TULP4: variants seen among roughly 807,000 people sequenced by gnomAD.
TULP4 encodes TUB like protein 4.
TULP4 carries 16 observed loss-of-function variants against 129.0 expected under a neutral mutation model. The observed-to-expected ratio is 0.12, with a 90% confidence interval of 0.08 to 0.19. The LOEUF (loss-of-function observed/expected upper bound fraction) is 0.19, where lower values mean the gene tolerates loss of function less well. TULP4 is among the 10% of genes least tolerant of loss of function. The pLI, the probability that TULP4 is intolerant of heterozygous loss-of-function variation, is 1.00. For missense variants in TULP4, 1,842 were observed against 2,059.1 expected, an observed-to-expected ratio of 0.89 and a Z score of 2.04; for synonymous variants, 998 against 854.0, an observed-to-expected ratio of 1.17 and a Z score of -2.94.
At chr6:158,336,294 G>A (rs1447043943) in intron 1 of TULP4, among the ~76,000 whole-genome samples, 1 of 152,156 alleles carries the variant, frequency 6.6e-6, no homozygotes, top group African/African-American at 2.4e-5. Context: ...CCTTCAAATT[G>A]TAAAATGTCT....
At chr6:158,432,223 A>G (rs1778646864) in intron 3 of TULP4, among the ~76,000 whole-genome samples, 1 of 151,906 alleles carries the variant, frequency 6.6e-6, no homozygotes, top group African/African-American at 2.4e-5. Flanking sequence ...ACTGAGACAT[A>G]GAGCAGGAAT....
chr6:158,314,099 A>G lies in TULP4; in HGVS notation c.83A>G (p.Lys28Arg), dbSNP rs1276667147. ...CTGTCCTGGAAGGGGCGTGTCCCCAAGAGTGAGAAGGAGAAGCCTGTGTGC... is the reference window on the plus strand; with the variant it reads ...CTGTCCTGGAAGGGGCGTGTCCCCAGGAGTGAGAAGGAGAAGCCTGTGTGC... ...LCLSWKGRVP[K>R]SEKEKPVCRR... Residue 28 changes from lysine to arginine, a missense_variant, in exon 1 of 14, where the codon AAG (lysine) becomes AGG (arginine). Around this residue, in one of 5 missense-constraint regions of TULP4, gnomAD observed 151 missense variants for 268.7 expected, o/e 0.56. Coordinates refer to ENST00000367097, the MANE Select transcript of TULP4 (RefSeq NM_020245.5). The G allele has an allele frequency of 8.1e-6, 13 of 1,614,090 alleles. No homozygotes were observed. The highest frequency in any genetic ancestry group is 8.0e-5 in the African/African-American group (6 of 74,930).
chr6:158,333,605 C>G (rs1157222848), intron 1 of TULP4, among the ~76,000 whole-genome samples: 1 of 145,850 alleles, frequency 6.9e-6, no homozygotes, highest in Non-Finnish European at 1.5e-5. Flanking sequence ...TACAGTTGGC[C>G]TCTGTGTGAG....
chr6:158,366,171 G>C (rs999748056), intron 1 of TULP4, among the ~76,000 whole-genome samples: 5 of 152,048 alleles, frequency 3.3e-5, no homozygotes, highest in African/African-American at 7.2e-5. Context: ...CCAAAGTGCT[G>C]GGATTACAGG....
intron 1 of TULP4, among the ~76,000 whole-genome samples, chr6:158,240,925 G>T (rs1234312429): frequency 6.7e-6 from 1 of 149,270 alleles, no homozygotes; most frequent in African/African-American, 2.4e-5. Context: ...TGGCTGCCGG[G>T]CGGAGAGGCT....
chr6:158,273,857 A>G (rs1314701600), intron 1 of TULP4, among the ~76,000 whole-genome samples: 2 of 152,234 alleles, frequency 1.3e-5, no homozygotes, highest in East Asian at 1.9e-4. Context: ...AACTCATTGA[A>G]TTCTTATCAT....
chr6:158,505,209 T>C (rs922629472), intron 13 of TULP4, among the ~76,000 whole-genome samples: 3 of 152,332 alleles, frequency 2.0e-5, no homozygotes, highest in Non-Finnish European at 2.9e-5. Context: ...TCTGTCCTGC[T>C]GCCAACGTCC....
Position 158,502,619 on chromosome 6 carries a change from A to G in TULP4, c.2956A>G (p.Thr986Ala), listed in dbSNP as rs148920633. ...QRSDNSLIHA[T>A]LRRNNREATL... ...GTCCGACAATAGCCTCATCCACGCT[A>G]CCCTGCGGAGGAACAACCGTGAGGC... The change falls in exon 13 of 14, where the codon ACC becomes GCC. Residue 986 changes from threonine (T) to alanine (A), a missense_variant. Physicochemically the swap from Thr to Ala is moderately conservative, Grantham distance 58. Transcript: ENST00000367097. 2 of 1,596,924 alleles carry G rather than the reference A, an allele frequency of 1.3e-6. No homozygotes were observed. Among genetic ancestry groups the G allele is most frequent in the Non-Finnish European group, 1.7e-6 (2 of 1,177,906 alleles).
chr6:158,327,142 A>G (rs1385357497), intron 1 of TULP4, among the ~76,000 whole-genome samples: 1 of 152,160 alleles, frequency 6.6e-6, no homozygotes, highest in African/African-American at 2.4e-5. Flanking sequence ...AGTGGTTACT[A>G]TAGCCATTTA....
intron 1 of TULP4, among the ~76,000 whole-genome samples, chr6:158,232,529 C>T (rs1222904104): frequency 6.6e-6 from 1 of 151,414 alleles, no homozygotes; most frequent in African/African-American, 2.4e-5. Flanking sequence ...CGGCCGTGGC[C>T]GCTGCTTGGC....
intron 1 of TULP4, among the ~76,000 whole-genome samples, chr6:158,327,622 G>A (rs1779771527): frequency 6.6e-6 from 1 of 151,874 alleles, no homozygotes; most frequent in African/African-American, 2.4e-5. Context: ...TATTTTATGG[G>A]CACTATATTT....
intron 1 of TULP4, among the ~76,000 whole-genome samples, chr6:158,353,701 T>C (rs1201633832): frequency 1.3e-5 from 2 of 152,246 alleles, no homozygotes; most frequent in East Asian, 1.9e-4. Flanking sequence ...AAATACTGCA[T>C]TGCTTGTTTG....
intron 1 of TULP4, among the ~76,000 whole-genome samples, chr6:158,370,053 C>G (rs1415755539): frequency 6.6e-6 from 1 of 151,834 alleles, no homozygotes; most frequent in African/African-American, 2.4e-5. Flanking sequence ...AATACAAAAA[C>G]TAGCTGGGCA....
intron 6 of TULP4, among the ~76,000 whole-genome samples, chr6:158,467,759 C>G (rs755357896): frequency 3.3e-5 from 5 of 152,344 alleles, no homozygotes; most frequent in Non-Finnish European, 4.4e-5. Context: ...ACTCCATCCT[C>G]CTCTGACCCT....
intron 6 of TULP4, among the ~76,000 whole-genome samples, chr6:158,475,613 C>T (rs945447530): frequency 1.3e-5 from 2 of 152,132 alleles, no homozygotes; most frequent in Admixed American, 6.5e-5. Flanking sequence ...GCCTAGTAGG[C>T]GGAGGTTCTT....
chr6:158,411,055 G>T (rs574365739), intron 1 of TULP4, among the ~76,000 whole-genome samples: 1 of 151,456 alleles, frequency 6.6e-6, no homozygotes, highest in East Asian at 1.9e-4. Flanking sequence ...GGGAGCTGCG[G>T]TGGCTCCAGC....
intron 5 of TULP4, among the ~76,000 whole-genome samples, chr6:158,452,704 CTG>C (rs1441539542): frequency 6.6e-6 from 1 of 152,238 alleles, no homozygotes; most frequent in Non-Finnish European, 1.5e-5. Flanking sequence ...CTGATCATCA[CTG>C]TGCGATAAAG....
intron 1 of TULP4, among the ~76,000 whole-genome samples, chr6:158,348,799 G>GGCT (rs1562529502): frequency 2.0e-5 from 1 of 49,730 alleles, no homozygotes; most frequent in African/African-American, 7.0e-5. Flanking sequence ...TATACGGGGC[G>GGCT]GCCGGGCAGA....
rs116481540 is a variant in TULP4, at chr6:158,435,444, G to A, written c.543+5547G>A. On this transcript the variant is annotated intron_variant, in intron 3 of 13. Transcript: ENST00000367097. ...GGACCCTGTCAGCACATCCAGGCAC[G>A]TCCTTTCTGCAGTGCCTCTCCCAGC... is the stretch of plus-strand genomic sequence containing the variant. 2.5e-3 allele frequency among the ~76,000 whole-genome samples: 381 copies of A among 152,212 alleles called. 1 individual carries two copies. The highest frequency in any genetic ancestry group is 8.4e-3 in the African/African-American group (351 of 41,542).
Sources: gnomAD v4.1 joint callset for allele counts (sites outside exome capture counted in the v4.1 genomes callset) on GRCh38, gnomAD v4.1.1 for gene constraint, gnomAD v4.1.1 regional missense constraint, MANE v1.5 for transcripts, NCBI Gene and HGNC (gene_info 2026-07-23, HGNC 2026-07-21) for gene names.